MRPL1: variants seen among roughly 807,000 people sequenced by gnomAD.
The protein encoded by MRPL1 is mitochondrial ribosomal protein L1, also known as large ribosomal subunit protein uL1m.
A neutral mutation model predicts 38.0 loss-of-function variants in MRPL1; 28 were observed. That is an observed-to-expected ratio of 0.74 (90% confidence interval 0.55 to 1.01). The LOEUF (loss-of-function observed/expected upper bound fraction) is 1.01, where lower values mean the gene tolerates loss of function less well. Among genes scored for constraint, MRPL1 ranks in the 50% least tolerant of loss-of-function variants. The pLI is 0.00. For missense variants in MRPL1, 358 were observed against 389.8 expected, an observed-to-expected ratio of 0.92 and a Z score of 0.69; for synonymous variants, 123 against 126.7, an observed-to-expected ratio of 0.97 and a Z score of 0.20.
intron 6 of MRPL1, among the ~76,000 whole-genome samples, chr4:77,900,691 T>A (rs1251802019): frequency 6.6e-5 from 10 of 152,204 alleles, no homozygotes; most frequent in African/African-American, 2.2e-4. Flanking sequence ...AGGCTTTGTG[T>A]GCTATACCAT....
chr4:77,933,967 G>A (rs1490188524), intron 7 of MRPL1, among the ~76,000 whole-genome samples: 1 of 152,114 alleles, frequency 6.6e-6, no homozygotes, highest in Non-Finnish European at 1.5e-5. Flanking sequence ...ATTATTAAAA[G>A]CTGGAAAAAC....
intron 1 of MRPL1, chr4:77,863,117 C>T (rs1735041927): frequency 1.8e-6 from 1 of 561,600 alleles, no homozygotes; most frequent in Non-Finnish European, 3.1e-6. Context: ...ATCGAGCGCC[C>T]TCCAGCCACC....
chr4:77,937,208 ACTT>A (rs1737006281), intron 7 of MRPL1, among the ~76,000 whole-genome samples: 1 of 152,054 alleles, frequency 6.6e-6, no homozygotes, highest in Non-Finnish European at 1.5e-5. Context: ...GCCCGGTACT[ACTT>A]CCCTTCTGCG....
At chr4:77,932,692 G>C (rs1459591168) in intron 7 of MRPL1, among the ~76,000 whole-genome samples, 1 of 151,864 alleles carries the variant, frequency 6.6e-6, no homozygotes, top group Non-Finnish European at 1.5e-5. Flanking sequence ...CAAGCTCAGG[G>C]CCCCCACTGA....
chr4:77,942,378 C>T (rs1025181433), intron 7 of MRPL1, among the ~76,000 whole-genome samples: 1 of 152,080 alleles, frequency 6.6e-6, no homozygotes, highest in Non-Finnish European at 1.5e-5. Context: ...CTGTTAAGCT[C>T]ATTTGATCTA....
intron 1 of MRPL1, among the ~76,000 whole-genome samples, chr4:77,868,615 A>G (rs950567725): frequency 1.3e-5 from 2 of 152,354 alleles, no homozygotes; most frequent in African/African-American, 4.8e-5. Context: ...ACAAATGTAT[A>G]TGAGAGACCT....
chr4:77,947,273 T>G (rs115971442), intron 7 of MRPL1, among the ~76,000 whole-genome samples: 1,949 of 152,300 alleles, frequency 0.013, 50 homozygotes, highest in African/African-American at 0.045. Flanking sequence ...TAAAGTGGTC[T>G]TTTTGTTTGA....
chr4:77,891,740 T>C (rs897498952), intron 5 of MRPL1, among the ~76,000 whole-genome samples: 7 of 152,232 alleles, frequency 4.6e-5, no homozygotes, highest in Non-Finnish European at 7.3e-5. Context: ...GCAGAAAGTG[T>C]TATGAAGCTG....
rs981835735 is a variant in MRPL1 at position 77,878,151 on chromosome 4, ACTGT to A, written c.144-5089_144-5086del. Among the ~76,000 whole-genome samples the A allele has an allele frequency of 3.9e-4, 59 of 152,078 alleles. 1 individual carries two copies. Among genetic ancestry groups the A allele is most frequent in the Non-Finnish European group, 3.8e-4 (26 of 68,010 alleles). ...TGGTGGGAACTGGAGTGTGGGACTG[ACTGT>A]CCTTGGATTTCAGGTTATTTGCGTT... On this transcript the variant is annotated intron_variant, in intron 2 of 8. Coordinates refer to ENST00000315567, the MANE Select transcript of MRPL1 (RefSeq NM_020236.4).
At chr4:77,937,742 G>A (rs766378335) in intron 7 of MRPL1, among the ~76,000 whole-genome samples, 8 of 152,120 alleles carry the variant, frequency 5.3e-5, no homozygotes, top group Non-Finnish European at 1.0e-4. Context: ...GGTACTGAAT[G>A]CCTTTTTTCC....
intron 1 of MRPL1, among the ~76,000 whole-genome samples, chr4:77,871,132 G>T (rs1735270001): frequency 6.6e-6 from 1 of 151,976 alleles, no homozygotes; most frequent in Non-Finnish European, 1.5e-5. Flanking sequence ...GAGGAGGGAG[G>T]CCCACTTGAA....
intron 2 of MRPL1, among the ~76,000 whole-genome samples, chr4:77,876,238 G>C (rs1735394182): frequency 6.6e-6 from 1 of 152,184 alleles, no homozygotes; most frequent in Non-Finnish European, 1.5e-5. Context: ...CTCCCAGAGT[G>C]CTGGGATTAC....
intron 7 of MRPL1, among the ~76,000 whole-genome samples, chr4:77,929,904 A>G (rs7685362): frequency 0.01 from 1,548 of 152,338 alleles, 31 homozygotes; most frequent in African/African-American, 0.036. Flanking sequence ...TAAACCTGGG[A>G]GGTTTCAGTT....
intron 1 of MRPL1, 197 bp downstream of exon 1, chr4:77,863,076 C>T (rs1302412017): frequency 1.6e-6 from 1 of 638,480 alleles, no homozygotes; most frequent in Non-Finnish European, 2.6e-6. Context: ...GAGACGTCCA[C>T]CCTGAGGGAG....
At chr4:77,875,525 G>T (rs1040325723) in intron 2 of MRPL1, among the ~76,000 whole-genome samples, 3 of 152,056 alleles carry the variant, frequency 2.0e-5, no homozygotes, top group Non-Finnish European at 2.9e-5. Flanking sequence ...GGTGGTGCAT[G>T]CCTGTAATCC....
chr4:77,886,772 C>T (rs1164259497), intron 4 of MRPL1, among the ~76,000 whole-genome samples: 2 of 150,350 alleles, frequency 1.3e-5, no homozygotes, highest in Non-Finnish European at 3.0e-5. Flanking sequence ...TGGCTCACTG[C>T]ACCTGGTTTG....
At chr4:77,912,920 G>A (rs1018146429) in intron 7 of MRPL1, among the ~76,000 whole-genome samples, 65 of 152,014 alleles carry the variant, frequency 4.3e-4, no homozygotes, top group African/African-American at 1.4e-3. Flanking sequence ...TTTTCCACAA[G>A]GTACAATGGC....
intron 1 of MRPL1, among the ~76,000 whole-genome samples, chr4:77,867,738 A>C (rs1735179057): frequency 8.1e-6 from 1 of 122,734 alleles, no homozygotes; most frequent in Non-Finnish European, 1.6e-5. Flanking sequence ...AGCCTTGGAT[A>C]GTTATTTCTT....
intron 7 of MRPL1, among the ~76,000 whole-genome samples, chr4:77,915,508 T>C (rs930317967): frequency 2.0e-5 from 3 of 152,120 alleles, no homozygotes; most frequent in Non-Finnish European, 2.9e-5. Context: ...CCTGCCAGGC[T>C]CAAGTGATCC....
Sources: allele counts gnomAD v4.1 joint callset (sites outside exome capture counted in the v4.1 genomes callset), GRCh38; gene constraint gnomAD v4.1.1; transcripts MANE v1.5; gene names NCBI Gene and HGNC (gene_info 2026-07-23, HGNC 2026-07-21).